Variants in PLA2G2A observed in about 807,000 individuals in gnomAD.
PLA2G2A encodes the protein phospholipase A2 group IIA, also known as phospholipase A2, membrane associated.
PLA2G2A carries 6 observed loss-of-function variants against 11.2 expected under a neutral mutation model. The ratio of observed to expected loss-of-function variants is 0.54; its 90% CI spans 0.29 to 1.06. PLA2G2A has a LOEUF of 1.06. PLA2G2A is among the 50% of genes least tolerant of loss of function. The pLI is 0.08. For synonymous variants in PLA2G2A, 69 were observed against 65.8 expected (o/e 1.05, Z -0.23); for missense variants, 133 against 177.1 (o/e 0.75, Z 1.41).
At chr1:19,979,012 G>T (rs1163377839) in intron 1 of PLA2G2A, 133 bp from the exon 2 acceptor site, 5 of 538,328 alleles carry the variant, frequency 9.3e-6, no homozygotes, top group Non-Finnish European at 1.6e-5. Flanking sequence ...ACCACCTCCT[G>T]ACCCGTTCCC....
chr1:19,978,855 G>A (rs2046263026), exon 2 of PLA2G2A: 8 of 1,261,138 alleles, frequency 6.3e-6, no homozygotes, highest in South Asian at 2.4e-5. Context: ...CCCGGCCGTC[G>A]CTCCCCTGCT....
upstream of PLA2G2A, among the ~76,000 whole-genome samples, chr1:19,979,930 G>T (rs11573155): frequency 6.6e-6 from 1 of 152,150 alleles, no homozygotes; most frequent in Non-Finnish European, 1.5e-5. Flanking sequence ...GCCTCTAAGG[G>T]GGGCAGAGAC....
chr1:19,979,438 A>G (rs2046272336), intron 1 of PLA2G2A, 142 bp downstream of exon 1: 1 of 157,774 alleles, frequency 6.3e-6, no homozygotes, highest in Admixed American at 6.0e-5. Flanking sequence ...ACACTCACAT[A>G]CTCACTCAAC....
At chr1:19,979,344 C>A (rs2046271230) in intron 1 of PLA2G2A, among the ~76,000 whole-genome samples, 1 of 152,162 alleles carries the variant, frequency 6.6e-6, no homozygotes, top group Non-Finnish European at 1.5e-5. Flanking sequence ...CACAAGTTCC[C>A]AAACACATAC....
chr1:19,976,946 T>C (rs1204765858), intron 4 of PLA2G2A, among the ~76,000 whole-genome samples: 2 of 152,206 alleles, frequency 1.3e-5, no homozygotes, highest in Non-Finnish European at 2.9e-5. Flanking sequence ...ACTTGGCCCT[T>C]GCTAACCATT....
rs765431164 is a variant in PLA2G2A, at chr1:19,978,381, G to A, written c.184C>T (p.Arg62Cys). 25 of 1,612,124 alleles carry A rather than the reference G, an allele frequency of 1.6e-5. No homozygotes were observed. The South Asian group carries it at 2.0e-4, about 13-fold the overall frequency. ...GTAGGGAGGGATAGGTGGCCTCACC[G>A]ATCCGTTGCATCCTTGGGGGATCCT... The change falls in exon 3 of 5, where the codon CGC (arginine) becomes TGC (cysteine). Residue 62 changes from arginine to cysteine, a missense_variant and splice_region_variant. Arg to Cys is a radical substitution (Grantham distance 180, BLOSUM62 -3). Coordinates refer to ENST00000482011, the Ensembl canonical transcript of PLA2G2A.
chr1:19,975,557 TG>T (rs2046207551), downstream of PLA2G2A: 2 of 730,446 alleles, frequency 2.7e-6, no homozygotes, highest in Admixed American at 3.9e-5. Flanking sequence ...TCATTCTGGG[TG>T]GGTATAGAAG....
At chr1:19,980,120 C>T (rs530635027), upstream of PLA2G2A, among the ~76,000 whole-genome samples, 48 of 152,336 alleles carry the variant, frequency 3.2e-4, no homozygotes, top group African/African-American at 1.2e-3. Context: ...TGGGCCTCTA[C>T]CATGTTCCAG....
At chr1:19,979,450 CACTCATGCA>C in intron 1 of PLA2G2A, 121 bp downstream of exon 1, 1 of 157,484 alleles carries the variant, frequency 6.3e-6, no homozygotes, top group Non-Finnish European at 1.4e-5. Flanking sequence ...TCACTCAACA[CACTCATGCA>C]CACACACCCT....
intron 4 of PLA2G2A, among the ~76,000 whole-genome samples, chr1:19,976,826 G>A (rs1316067603): frequency 6.6e-6 from 1 of 152,072 alleles, no homozygotes. Context: ...GTCTAATCTG[G>A]CTTTGCCCTC....
At chr1:19,977,901 T>G in intron 4 of PLA2G2A, 114 bp downstream of exon 4, 3 of 763,550 alleles carry the variant, frequency 3.9e-6, no homozygotes, top group Non-Finnish European at 7.2e-6. Context: ...CACTCAACCG[T>G]GAGCTTCCTG....
At chr1:19,978,502 A>G in exon 3 of PLA2G2A, 3 of 1,613,770 alleles carry the variant, frequency 1.9e-6, no homozygotes, top group Middle Eastern at 1.7e-4. Flanking sequence ...AATTCACCAA[A>G]TTCCCATGGG....
At position 19,978,982 on chromosome 1, in the gene PLA2G2A, C is replaced by G; in HGVS notation, c.-106-103G>C. The stretch of plus-strand genomic sequence containing the variant: ...AGTGCCCTCCAGCAATGCACACACA[C>G]ACACACACACACACACACAACCACC... On this transcript the variant is annotated intron_variant, in intron 1 of 4. Coordinates refer to ENST00000482011, the Ensembl canonical transcript of PLA2G2A. 6 of 609,026 alleles carry G rather than the reference C, an allele frequency of 9.9e-6. No individual in the cohort carries two copies. The South Asian group carries it at 1.1e-4, about 11-fold the overall frequency. 37.7% of individuals were successfully genotyped at this position (609,026 alleles called of 1,614,324 possible).
intron 4 of PLA2G2A, 95 bp from the exon 5 acceptor site, chr1:19,975,938 C>A: frequency 9.7e-7 from 1 of 1,029,252 alleles, no homozygotes; most frequent in South Asian, 1.3e-5. Flanking sequence ...GCCCTGTCCT[C>A]CAGAAGCTCC....
At chr1:19,980,233 CTCT>C (rs763334993), upstream of PLA2G2A, 1 of 152,298 alleles carries the variant, frequency 6.6e-6, no homozygotes, top group Non-Finnish European at 1.5e-5. Context: ...CCTCAACTTT[CTCT>C]TCTTATTCTT....
At position 19,978,985 on chromosome 1, in the gene PLA2G2A, A is replaced by G. The variant is rs2046265848; in HGVS notation, c.-106-106T>C. On this transcript the variant is annotated intron_variant, in intron 1 of 4. Transcript: ENST00000482011. The stretch of plus-strand genomic sequence containing the variant: ...GCCCTCCAGCAATGCACACACACAC[A>G]CACACACACACACACAACCACCTCC... 6.4e-6 allele frequency: 4 copies of G among 622,470 alleles called. No homozygotes were observed. In the East Asian group the frequency reaches 8.4e-5, roughly 13 times the overall value. 38.6% of individuals were successfully genotyped at this position (622,470 alleles called of 1,614,324 possible).
Position 19,975,993 on chromosome 1 carries a change from G to C in PLA2G2A, c.293-150C>G. On this transcript the variant is annotated intron_variant, in intron 4 of 4. Transcript: ENST00000482011. ...GCGCTCCAGATATTTCTGACCAATGGGGAGACAGAATTCTTGCCCTTGGGA... is the reference window on the plus strand; with the variant it reads ...GCGCTCCAGATATTTCTGACCAATGCGGAGACAGAATTCTTGCCCTTGGGA... 3 of 725,908 alleles carry C rather than the reference G, an allele frequency of 4.1e-6. 1 individual carries two copies. The South Asian group carries it at 4.7e-5, about 11-fold the overall frequency. The allele number at this position is 725,908 out of a possible 1,614,324, so 45.0% of individuals were successfully genotyped here. A position where few individuals can be genotyped will look rare whatever the true frequency, so the allele number is the denominator to read the frequency against.
upstream of PLA2G2A, among the ~76,000 whole-genome samples, chr1:19,979,966 C>A (rs1280494206): frequency 1.4e-4 from 22 of 152,204 alleles, no homozygotes; most frequent in Admixed American, 1.4e-3. Context: ...GCTGTGGACT[C>A]ATTTGCACAC....
rs927480810 is a variant in PLA2G2A at position 19,979,567 on chromosome 1, G to C, written c.-107+13C>G. 2 of 152,648 alleles carry C rather than the reference G, an allele frequency of 1.3e-5. No homozygotes were observed. The highest frequency in any genetic ancestry group is 4.8e-5 in the African/African-American group (2 of 41,456). 9.5% of individuals were successfully genotyped at this position (152,648 alleles called of 1,614,324 possible). On this transcript the variant is annotated intron_variant, in intron 1 of 4. Coordinates refer to ENST00000482011, the Ensembl canonical transcript of PLA2G2A. ...CTGCTCTTGACAGGACATCAGCTTC[G>C]CTGGCTCTTTACCTCTCAGAGGACT...
Sources: allele counts gnomAD v4.1 joint callset (sites outside exome capture counted in the v4.1 genomes callset), GRCh38; gene constraint gnomAD v4.1.1; transcripts MANE v1.5; gene names NCBI Gene and HGNC (gene_info 2026-07-23, HGNC 2026-07-21).